Variants in RAD51B observed in about 807,000 individuals in gnomAD.
The protein encoded by RAD51B is RAD51 paralog B, also known as DNA repair protein RAD51 homolog 2.
RAD51B carries 38 observed loss-of-function variants against 42.2 expected under a neutral mutation model. That is an observed-to-expected ratio of 0.90 (90% CI 0.70 to 1.18). The LOEUF is 1.18. Among genes scored for constraint, RAD51B ranks in the 50% most tolerant of loss-of-function variants. The pLI, the probability that RAD51B is intolerant of heterozygous loss-of-function variation, is 0.00. For missense variants in RAD51B, 373 were observed against 400.7 expected (o/e 0.93, Z 0.59); for synonymous variants, 154 against 145.2 (o/e 1.06, Z -0.43).
chr14:68,438,351 G>T (rs150144732), intron 9 of RAD51B, among the ~76,000 whole-genome samples: 2 of 152,218 alleles, frequency 1.3e-5, no homozygotes, highest in Non-Finnish European at 2.9e-5. Context: ...GTGTGGGAAG[G>T]GGGTTGTTCC....
chr14:67,993,533 T>G (rs949566825), intron 7 of RAD51B, among the ~76,000 whole-genome samples: 1 of 152,228 alleles, frequency 6.6e-6, no homozygotes, highest in Non-Finnish European at 1.5e-5. Flanking sequence ...CTCATTCTTT[T>G]TTATGGCTGA....
At chr14:68,005,298 T>A (rs1417371206) in intron 7 of RAD51B, among the ~76,000 whole-genome samples, 1 of 152,056 alleles carries the variant, frequency 6.6e-6, no homozygotes, top group East Asian at 1.9e-4. Context: ...ATGATCTGCC[T>A]GCCTCGACCT....
In RAD51B at chr14:68,216,290, G is replaced by A. The variant is rs78334608; in HGVS notation, c.757-75594G>A. Among the ~76,000 whole-genome samples the A allele has an allele frequency of 6.4e-3, 969 of 152,264 alleles. 42 individuals carry two copies. Among genetic ancestry groups the A allele is most frequent in the Admixed American group, 0.056 (858 of 15,290 alleles). On this transcript the variant is annotated intron_variant, in intron 7 of 10. Transcript: ENST00000471583. ...ACTGGAGATAACACTTGACTCATGCGTTGCGTTTGTTAGAGAGAACAAATG... is the reference window on the plus strand; with the variant it reads ...ACTGGAGATAACACTTGACTCATGCATTGCGTTTGTTAGAGAGAACAAATG...
At chr14:68,097,660 G>T (rs570425911) in intron 7 of RAD51B, among the ~76,000 whole-genome samples, 1 of 152,294 alleles carries the variant, frequency 6.6e-6, no homozygotes, top group African/African-American at 2.4e-5. Flanking sequence ...AGAAATGAAT[G>T]AATACAGGGA....
chr14:68,507,516 G>C (rs1381326849), intron 10 of RAD51B, among the ~76,000 whole-genome samples: 17 of 152,168 alleles, frequency 1.1e-4, no homozygotes, highest in Admixed American at 1.1e-3. Context: ...TGAGGAGTTT[G>C]ACCCAACCCC....
intron 7 of RAD51B, among the ~76,000 whole-genome samples, chr14:68,018,371 C>T (rs2075810832): frequency 6.6e-6 from 1 of 152,118 alleles, no homozygotes; most frequent in Admixed American, 6.6e-5. Context: ...TGTAGCGTAC[C>T]TTGTAGAAGG....
At chr14:68,537,737 T>A (rs1419620323) in intron 10 of RAD51B, among the ~76,000 whole-genome samples, 1 of 152,228 alleles carries the variant, frequency 6.6e-6, no homozygotes, top group Non-Finnish European at 1.5e-5. Flanking sequence ...TTCACATATA[T>A]GCTCCCTTTG....
intron 8 of RAD51B, among the ~76,000 whole-genome samples, chr14:68,318,402 AAAG>A (rs1277333010): frequency 6.6e-6 from 1 of 152,322 alleles, no homozygotes; most frequent in African/African-American, 2.4e-5. Context: ...AAAAGAAAAA[AAAG>A]AAGAGTGGTA....
intron 7 of RAD51B, among the ~76,000 whole-genome samples, chr14:68,249,042 C>T (rs962581761): frequency 1.3e-5 from 2 of 152,258 alleles, no homozygotes; most frequent in African/African-American, 4.8e-5. Flanking sequence ...TTGGAAGATG[C>T]TGCCCTCACT....
chr14:68,562,263 C>G (rs1286962847), intron 10 of RAD51B: 2 of 985,262 alleles, frequency 2.0e-6, no homozygotes, highest in African/African-American at 3.5e-5. Flanking sequence ...CAGGTGGGGG[C>G]CAGATCTTTG....
intron 7 of RAD51B, among the ~76,000 whole-genome samples, chr14:68,116,424 G>T (rs1385581014): frequency 6.6e-6 from 1 of 151,178 alleles, no homozygotes; most frequent in Non-Finnish European, 1.5e-5. Flanking sequence ...TAAGTAGCAT[G>T]ATTTGAAGTG....
chr14:67,838,734 C>T (rs985460660), intron 4 of RAD51B, among the ~76,000 whole-genome samples: 1 of 151,908 alleles, frequency 6.6e-6, no homozygotes, highest in African/African-American at 2.4e-5. Context: ...GTGTGAGCTA[C>T]TGCGCCTGGC....
At chr14:68,153,867 G>A (rs1287788472) in intron 7 of RAD51B, among the ~76,000 whole-genome samples, 1 of 152,172 alleles carries the variant, frequency 6.6e-6, no homozygotes, top group Non-Finnish European at 1.5e-5. Context: ...TATGAGGTTA[G>A]TGTATCTCAT....
In RAD51B at chr14:67,893,502, ACACACAC is replaced by A. The variant is rs1219125161; in HGVS notation, c.756+6299_756+6305del. ...CACACACACACACACACACACACACACACACACAAAAAAAAACAATTAGCTGGGTGTG... is the reference window on the plus strand; with the variant it reads ...CACACACACACACACACACACACACAAAAAAAAAACAATTAGCTGGGTGTG... On this transcript the variant is annotated intron_variant, in intron 7 of 10. Transcript: ENST00000471583. Among the ~76,000 whole-genome samples the A allele has an allele frequency of 1.4e-3, 146 of 103,354 alleles. 7 individuals carry two copies. The highest frequency in any genetic ancestry group is 5.6e-3 in the African/African-American group (100 of 17,994). 67.8% of individuals were successfully genotyped at this position (103,354 alleles called of 152,430 possible).
chr14:68,472,310 G>C (rs2086146447), intron 10 of RAD51B, among the ~76,000 whole-genome samples: 1 of 152,194 alleles, frequency 6.6e-6, no homozygotes, highest in Non-Finnish European at 1.5e-5. Context: ...TCAAGGCCAA[G>C]AATAAAGATT....
At chr14:68,050,477 T>G (rs960586555) in intron 7 of RAD51B, among the ~76,000 whole-genome samples, 1 of 152,186 alleles carries the variant, frequency 6.6e-6, no homozygotes, top group Admixed American at 6.5e-5. Flanking sequence ...TATATTTTCA[T>G]GTAATACAGT....
At chr14:68,167,277 A>G (rs1242973400) in intron 7 of RAD51B, among the ~76,000 whole-genome samples, 2 of 152,176 alleles carry the variant, frequency 1.3e-5, no homozygotes, top group Non-Finnish European at 2.9e-5. Flanking sequence ...GTTGTTGGAC[A>G]TTCTACATTC....
At chr14:68,475,781 C>A (rs1200022267) in intron 10 of RAD51B, among the ~76,000 whole-genome samples, 1 of 152,038 alleles carries the variant, frequency 6.6e-6, no homozygotes, top group Admixed American at 6.6e-5. Flanking sequence ...ACTGGATTTA[C>A]ATTTCTCTTT....
intron 10 of RAD51B, among the ~76,000 whole-genome samples, chr14:68,504,597 G>A (rs1434662841): frequency 1.3e-5 from 2 of 150,258 alleles, no homozygotes; most frequent in African/African-American, 4.9e-5. Context: ...GGATGTGGAA[G>A]CTCAGACAGC....
Sources: allele counts gnomAD v4.1 joint callset (sites outside exome capture counted in the v4.1 genomes callset), GRCh38; gene constraint gnomAD v4.1.1; transcripts MANE v1.5; gene names NCBI Gene and HGNC (gene_info 2026-07-23, HGNC 2026-07-21).